Variants in GNB4 observed in about 807,000 individuals in gnomAD.
The protein encoded by GNB4 is G protein subunit beta 4.
GNB4 carries 28 observed loss-of-function variants against 45.2 expected under a neutral mutation model. The ratio of observed to expected loss-of-function variants is 0.62; its 90% CI spans 0.46 to 0.85. The LOEUF (loss-of-function observed/expected upper bound fraction) is 0.85. Among genes scored for constraint, GNB4 ranks in the 40% least tolerant of loss-of-function variants. The pLI is 0.00. For missense variants in GNB4, 321 were observed against 425.4 expected (o/e 0.75, Z 2.16); for synonymous variants, 132 against 143.7 (o/e 0.92, Z 0.58).
chr3:179,441,642 C>T (rs1715595813), intron 1 of GNB4, among the ~76,000 whole-genome samples: 1 of 151,034 alleles, frequency 6.6e-6, no homozygotes, highest in African/African-American at 2.4e-5. Flanking sequence ...ATCCCAGCTA[C>T]TTGGGAGACT....
chr3:179,481,547 C>T, the GNB4 span, among the ~76,000 whole-genome samples: 2 of 151,788 alleles, frequency 1.3e-5, no homozygotes, highest in East Asian at 3.9e-4. Context: ...ACTATATTGC[C>T]CAGGTGGGTC....
chr3:179,428,049 A>C (rs1328929393), intron 1 of GNB4, among the ~76,000 whole-genome samples: 1 of 152,240 alleles, frequency 6.6e-6, no homozygotes, highest in Non-Finnish European at 1.5e-5. Flanking sequence ...TTTGATGTCT[A>C]TGCTACAATC....
At chr3:179,449,614 A>C (rs541233021) in intron 1 of GNB4, among the ~76,000 whole-genome samples, 1 of 152,104 alleles carries the variant, frequency 6.6e-6, no homozygotes. Context: ...CCTCACAGAC[A>C]ATTTCCTTAC....
rs560520902 is a variant in GNB4 at position 179,420,282 on chromosome 3, C to T, written c.96+607G>A. 3.3e-5 allele frequency among the ~76,000 whole-genome samples: 5 copies of T among 149,790 alleles called. No individual in the cohort carries two copies. In the South Asian group the frequency reaches 1.1e-3, roughly 31 times the overall value. On this transcript the variant is annotated intron_variant, in intron 3 of 9. Coordinates refer to ENST00000232564, the MANE Select transcript of GNB4 (RefSeq NM_021629.4). ...TAGCTGGGATTACAGGCAGGCACCA[C>T]CATGACCAGCTAACTTTCATGTTTT... is the stretch of plus-strand genomic sequence containing the variant.
the GNB4 span, among the ~76,000 whole-genome samples, chr3:179,461,766 CA>C: frequency 6.6e-6 from 1 of 152,164 alleles, no homozygotes; most frequent in Admixed American, 6.5e-5. Flanking sequence ...ATTTCAATGA[CA>C]TTTATTAAAT....
At chr3:179,476,733 C>T in the GNB4 span, among the ~76,000 whole-genome samples, 10,154 of 152,244 alleles carry the variant, frequency 0.067, 458 homozygotes, top group Middle Eastern at 0.13. Flanking sequence ...ATTAGCACCA[C>T]GTAAATACCA....
intron 1 of GNB4, among the ~76,000 whole-genome samples, chr3:179,446,995 C>A (rs1715749244): frequency 6.6e-6 from 1 of 152,106 alleles, no homozygotes; most frequent in Non-Finnish European, 1.5e-5. Flanking sequence ...TGTTCTGTAT[C>A]TGTCTAGGAG....
chr3:179,420,868 TAAAGAA>T lies in GNB4; in HGVS notation c.96+15_96+20del. On this transcript the variant is annotated intron_variant, in intron 3 of 9. Transcript: ENST00000232564. ...TATTTTATGAGTTACCAAAATGAAA[TAAAGAA>T]AAACAAAACTTTACCTGAACAAGCG... The T allele has an allele frequency of 6.6e-7, 1 of 1,512,056 alleles. No individual in the cohort carries two copies. The highest frequency in any genetic ancestry group is 2.3e-5 in the East Asian group (1 of 44,222). 93.7% of individuals were successfully genotyped at this position (1,512,056 alleles called of 1,614,324 possible).
intron 2 of GNB4, among the ~76,000 whole-genome samples, chr3:179,421,550 G>C (rs1235776498): frequency 1.3e-5 from 2 of 152,114 alleles, no homozygotes; most frequent in Non-Finnish European, 2.9e-5. Flanking sequence ...GGTTATAGTA[G>C]TATCCTCTTC....
chr3:179,429,700 T>C (rs972037510), intron 1 of GNB4, among the ~76,000 whole-genome samples: 1 of 152,122 alleles, frequency 6.6e-6, no homozygotes, highest in Non-Finnish European at 1.5e-5. Context: ...AGCAGCTACC[T>C]ACTTTCTTTC....
the GNB4 span, among the ~76,000 whole-genome samples, chr3:179,504,650 A>G: frequency 2.6e-5 from 4 of 152,228 alleles, no homozygotes; most frequent in East Asian, 7.7e-4. Flanking sequence ...CCCAGATAAG[A>G]CTAAAGATAA....
chr3:179,491,670 G>T, the GNB4 span, among the ~76,000 whole-genome samples: 1 of 152,166 alleles, frequency 6.6e-6, no homozygotes, highest in South Asian at 2.1e-4. Context: ...GTCCAAAATG[G>T]AGTTGTAGCC....
the GNB4 span, among the ~76,000 whole-genome samples, chr3:179,471,165 C>T: frequency 1.4e-4 from 17 of 121,886 alleles, no homozygotes; most frequent in East Asian, 3.8e-3. Context: ...GGCAACAGAG[C>T]GAGACTCCGT....
chr3:179,445,271 C>T (rs1715691184), intron 1 of GNB4, among the ~76,000 whole-genome samples: 1 of 151,936 alleles, frequency 6.6e-6, no homozygotes, highest in Non-Finnish European at 1.5e-5. Flanking sequence ...AAAAAGAGTA[C>T]TTTATACTTT....
the GNB4 span, among the ~76,000 whole-genome samples, chr3:179,524,116 A>C: frequency 1.3e-5 from 2 of 152,198 alleles, no homozygotes; most frequent in Non-Finnish European, 2.9e-5. Flanking sequence ...GGACGGACTT[A>C]CCCTCCACTA....
At chr3:179,526,419 T>C in the GNB4 span, among the ~76,000 whole-genome samples, 49 of 152,352 alleles carry the variant, frequency 3.2e-4, no homozygotes, top group South Asian at 8.5e-3. Context: ...ACTGGGATTG[T>C]TGCCTTTCTC....
At chr3:179,511,356 C>T in the GNB4 span, among the ~76,000 whole-genome samples, 2 of 152,228 alleles carry the variant, frequency 1.3e-5, no homozygotes, top group Non-Finnish European at 1.5e-5. Flanking sequence ...CCAGAGCAGG[C>T]ACTCAGTAAC....
chr3:179,473,676 T>A, the GNB4 span, among the ~76,000 whole-genome samples: 2 of 152,320 alleles, frequency 1.3e-5, no homozygotes, highest in African/African-American at 4.8e-5. Context: ...CAACAGACCG[T>A]TCTGTTTCTC....
At chr3:179,437,184 T>C (rs1330189956) in intron 1 of GNB4, among the ~76,000 whole-genome samples, 1 of 152,204 alleles carries the variant, frequency 6.6e-6, no homozygotes, top group Non-Finnish European at 1.5e-5. Flanking sequence ...GGTACATTCA[T>C]TGTATTGGCA....
Sources: gnomAD v4.1 joint callset for allele counts (sites outside exome capture counted in the v4.1 genomes callset) on GRCh38, gnomAD v4.1.1 for gene constraint, MANE v1.5 for transcripts, NCBI Gene and HGNC (gene_info 2026-07-23, HGNC 2026-07-21) for gene names.